Variants in MALSU1 observed in about 807,000 individuals in gnomAD.
MALSU1 encodes the protein mitochondrial assembly of ribosomal large subunit 1, also known as mitochondrial assembly of ribosomal large subunit protein 1.
MALSU1 carries 22 observed loss-of-function variants against 22.1 expected under a neutral mutation model. The observed-to-expected ratio is 1.00, with a 90% CI of 0.71 to 1.42. The LOEUF (loss-of-function observed/expected upper bound fraction) is 1.42, where lower values mean the gene tolerates loss of function less well. MALSU1 is among the 40% of genes most tolerant of loss of function. The pLI is 0.00. For missense variants in MALSU1, 379 were observed against 308.3 expected (o/e 1.23, Z -1.72); for synonymous variants, 153 against 118.5 (o/e 1.29, Z -1.89).
At position 23,311,328 on chromosome 7, in the gene MALSU1, C is replaced by G. The variant is rs964097988; in HGVS notation, c.*1785C>G. On this transcript the variant is annotated 3_prime_UTR_variant, in exon 4 of 4. Coordinates refer to ENST00000466681, the MANE Select transcript of MALSU1 (RefSeq NM_138446.2). ...TTTTGCCAGTCAGTTGAAAGTCTTG[C>G]ATCTCTTCACTGATGCACTTTCTTT... is the stretch of plus-strand genomic sequence containing the variant. 3 of 152,580 alleles carry G rather than the reference C, an allele frequency of 2.0e-5. No individual in the cohort carries two copies. The highest frequency in any genetic ancestry group is 6.5e-5 in the Admixed American group (1 of 15,270). The allele number at this position is 152,580 out of a possible 1,614,324, so 9.5% of individuals were successfully genotyped here.
chr7:23,303,735 G>A (rs760789392), intron 2 of MALSU1, among the ~76,000 whole-genome samples: 12 of 151,104 alleles, frequency 7.9e-5, no homozygotes, highest in African/African-American at 1.5e-4. Flanking sequence ...CTTGAGCCCA[G>A]GAGCTTGAGG....
intron 3 of MALSU1, among the ~76,000 whole-genome samples, chr7:23,308,688 T>TA (rs980663162): frequency 6.6e-6 from 1 of 152,198 alleles, no homozygotes; most frequent in African/African-American, 2.4e-5. Context: ...CACACAGTTG[T>TA]AAAACTGGAA....
At position 23,309,699 on chromosome 7, in the gene MALSU1, G is replaced by A. The variant is rs887326155; in HGVS notation, c.*156G>A. 6 of 513,178 alleles carry A rather than the reference G, an allele frequency of 1.2e-5. No homozygotes were observed. Among genetic ancestry groups the A allele is most frequent in the African/African-American group, 3.9e-5 (2 of 50,684 alleles). The allele number at this position is 513,178 out of a possible 1,614,324, so 31.8% of individuals were successfully genotyped here. A position where few individuals can be genotyped will look rare whatever the true frequency, so the allele number is the denominator to read the frequency against. On this transcript the variant is annotated 3_prime_UTR_variant, in exon 4 of 4. Transcript: ENST00000466681. ...TGCTAACTGGCATGCAGAGACTGTC[G>A]ATAAGTGAGCTATACCTGCAACCAA...
intron 2 of MALSU1, 64 bp from the exon 3 acceptor site, chr7:23,307,800 AAGAC>A: frequency 1.0e-6 from 1 of 961,834 alleles, no homozygotes; most frequent in Non-Finnish European, 1.6e-6. Context: ...ACAAAAAAAA[AAGAC>A]CTTCAGCAAG....
intron 3 of MALSU1, among the ~76,000 whole-genome samples, chr7:23,308,460 T>TA (rs1783753946): frequency 6.6e-6 from 1 of 152,190 alleles, no homozygotes; most frequent in African/African-American, 2.4e-5. Context: ...AGGGGAAACA[T>TA]AACTGTATGT....
At chr7:23,307,788 A>T (rs771684469) in intron 2 of MALSU1, 80 bp from the exon 3 acceptor site, 1 of 858,344 alleles carries the variant, frequency 1.2e-6, no homozygotes, top group South Asian at 1.6e-5. Context: ...ACAAACAAAC[A>T]AACAAAAAAA....
Position 23,309,875 on chromosome 7 carries a change from C to CTGT in MALSU1, c.*334_*336dup, listed in dbSNP as rs764401199. On this transcript the variant is annotated 3_prime_UTR_variant, in exon 4 of 4. Coordinates refer to ENST00000466681, the MANE Select transcript of MALSU1 (RefSeq NM_138446.2). Reference sequence around the variant, plus strand: ...TTTAGCTTAAATGTAAATCTTAACCCTGTTTGTTTAATGGAATGGCAAAAA... The same window carrying CTGT: ...TTTAGCTTAAATGTAAATCTTAACCCTGTTGTTTGTTTAATGGAATGGCAAAAA... The CTGT allele has an allele frequency of 3.4e-4, 55 of 161,786 alleles. No homozygotes were observed. The highest frequency in any genetic ancestry group is 1.6e-3 in the South Asian group (8 of 4,988). 10.0% of individuals were successfully genotyped at this position (161,786 alleles called of 1,614,324 possible).
At position 23,299,588 on chromosome 7, in the gene MALSU1, G is replaced by T. The variant is rs1783613104; in HGVS notation, c.236G>T (p.Arg79Leu). The change falls in exon 1 of 4, where the codon CGC becomes CTC. Residue 79 changes from arginine to leucine, a missense_variant. Arg to Leu is a moderately radical substitution (Grantham distance 102). Transcript: ENST00000466681. ...ERAEGTVNEGRPESDAADHTG... is the reference protein window; with the variant it reads ...ERAEGTVNEGLPESDAADHTG... ...GCGGAGGGGACGGTCAACGAGGGAC[G>T]CCCAGAATCGGACGCGGCAGGTACG... is the stretch of plus-strand genomic sequence containing the variant. 1 of 1,594,154 alleles carries T rather than the reference G, an allele frequency of 6.3e-7. No homozygotes were observed. The highest frequency in any genetic ancestry group is 8.5e-7 in the Non-Finnish European group (1 of 1,170,740).
chr7:23,309,834 A>AT lies in MALSU1; in HGVS notation c.*296dup, dbSNP rs1428196294. The AT allele has an allele frequency of 1.0e-5, 2 of 191,174 alleles. No homozygotes were observed. The highest frequency in any genetic ancestry group is 4.7e-5 in the African/African-American group (2 of 43,004). 11.8% of individuals were successfully genotyped at this position (191,174 alleles called of 1,614,324 possible). On this transcript the variant is annotated 3_prime_UTR_variant, in exon 4 of 4. Transcript: ENST00000466681. ...TCCTGTGCTTGACTTCTCTGCTCAG[A>AT]TTTTTATTAATTTAATTTAGCTTAA...
At chr7:23,306,045 T>C (rs889848106) in intron 2 of MALSU1, among the ~76,000 whole-genome samples, 3 of 152,202 alleles carry the variant, frequency 2.0e-5, no homozygotes, top group Non-Finnish European at 2.9e-5. Context: ...AAATACAAAA[T>C]TAGCCGGGCG....
At chr7:23,305,071 T>C (rs1294234461) in intron 2 of MALSU1, among the ~76,000 whole-genome samples, 1 of 152,242 alleles carries the variant, frequency 6.6e-6, no homozygotes, top group Non-Finnish European at 1.5e-5. Context: ...TTTAGATATT[T>C]AACCCATTTT....
chr7:23,300,486 T>C (rs1393122738), intron 1 of MALSU1, among the ~76,000 whole-genome samples: 2 of 152,114 alleles, frequency 1.3e-5, no homozygotes, highest in Non-Finnish European at 2.9e-5. Context: ...CTCCTACCCA[T>C]TTTGTGGTGC....
Position 23,311,437 on chromosome 7 carries a change from T to C in MALSU1, c.*1894T>C, listed in dbSNP as rs1562661170. Reference sequence around the variant, plus strand: ...AAAAAACTGAAGTCTCCTGAAGCCATTTAAACCAGCCGTTCCAAAATCTCC... The same window carrying C: ...AAAAAACTGAAGTCTCCTGAAGCCACTTAAACCAGCCGTTCCAAAATCTCC... On this transcript the variant is annotated 3_prime_UTR_variant, in exon 4 of 4. Transcript: ENST00000466681. 6.6e-6 allele frequency: 1 copy of C among 152,632 alleles called. No homozygotes were observed. The highest frequency in any genetic ancestry group is 1.5e-5 in the Non-Finnish European group (1 of 68,026). 9.5% of individuals were successfully genotyped at this position (152,632 alleles called of 1,614,324 possible).
Position 23,309,353 on chromosome 7 carries a change from CAG to C in MALSU1, c.518-2_518-1del. The stretch of plus-strand genomic sequence containing the variant: ...CATTGTATCTCTTATCTGTCCCTGA[CAG>C]GCAGCATGGTGATTCATTTGATGCT... On this transcript the variant is annotated splice_acceptor_variant, in intron 3 of 3. Coordinates refer to ENST00000466681, the MANE Select transcript of MALSU1 (RefSeq NM_138446.2). LOFTEE classifies it high-confidence loss of function. 6.2e-7 allele frequency: 1 copy of C among 1,606,696 alleles called. No individual in the cohort carries two copies. Among genetic ancestry groups the C allele is most frequent in the Non-Finnish European group, 8.5e-7 (1 of 1,177,372 alleles).
intron 2 of MALSU1, among the ~76,000 whole-genome samples, chr7:23,302,212 C>T (rs899469235): frequency 2.0e-5 from 3 of 152,104 alleles, no homozygotes; most frequent in Admixed American, 6.5e-5. Flanking sequence ...AGTCCTTGCC[C>T]TTACAGGTCT....
Position 23,300,992 on chromosome 7 carries a change from C to G in MALSU1, c.410C>G (p.Ala137Gly), listed in dbSNP as rs1287537421. The G allele has an allele frequency of 5.0e-6, 8 of 1,613,654 alleles. No individual in the cohort carries two copies. In the African/African-American group the frequency reaches 9.3e-5, roughly 19 times the overall value. Reference protein sequence around the residue: ...VSGTSTRHLHAMAFYVVKMYK... With the variant: ...VSGTSTRHLHGMAFYVVKMYK... ...GGAACTTCTACCCGACACTTACATG[C>G]CATGGCCTTCTACGTTGTGAAAATG... The change falls in exon 2 of 4, where the codon GCC becomes GGC. Residue 137 changes from alanine (A) to glycine (G), a missense_variant. Coordinates refer to ENST00000466681, the MANE Select transcript of MALSU1 (RefSeq NM_138446.2).
chr7:23,307,828 C>CA, intron 2 of MALSU1, 40 bp from the exon 3 acceptor site: 1 of 1,331,764 alleles, frequency 7.5e-7, no homozygotes, highest in Non-Finnish European at 1.1e-6. Flanking sequence ...AGGCTTCCCC[C>CA]ATCCCCTCTC....
chr7:23,307,936 G>C lies in MALSU1; in HGVS notation c.504G>C (p.Leu168=). The part of the protein sequence containing the change: ...KIEGKDTDDW[L]CVDFGSMVIH... ...AAGGGAAGGACACTGATGACTGGCT[G>C]TGCGTGGATTTTGGTAAGTTATTCT... The change falls in exon 3 of 4, where the codon CTG becomes CTC. Residue 168 remains leucine, a synonymous_variant. Coordinates refer to ENST00000466681, the MANE Select transcript of MALSU1 (RefSeq NM_138446.2). 1.2e-6 allele frequency: 2 copies of C among 1,613,102 alleles called. No individual in the cohort carries two copies. Among genetic ancestry groups the C allele is most frequent in the South Asian group, 2.2e-5 (2 of 91,066 alleles).
In MALSU1 at chr7:23,310,383, T is replaced by C. The variant is rs1389210997; in HGVS notation, c.*840T>C. 1 of 152,112 alleles carries C rather than the reference T, an allele frequency of 6.6e-6. No individual in the cohort carries two copies. Among genetic ancestry groups the C allele is most frequent in the Admixed American group, 6.5e-5 (1 of 15,272 alleles). 9.4% of individuals were successfully genotyped at this position (152,112 alleles called of 1,614,324 possible). On this transcript the variant is annotated 3_prime_UTR_variant, in exon 4 of 4. Transcript: ENST00000466681. The stretch of plus-strand genomic sequence containing the variant: ...CAAATTACAAATGCTTAAGTAAAAG[T>C]AAAATATGATTTGCCATACTAAAAG...
Sources: gnomAD v4.1 joint callset for allele counts (sites outside exome capture counted in the v4.1 genomes callset) on GRCh38, gnomAD v4.1.1 for gene constraint, MANE v1.5 for transcripts, NCBI Gene and HGNC (gene_info 2026-07-23, HGNC 2026-07-21) for gene names.